The following NALF1 variants were observed in gnomAD, a reference collection of about 807,000 sequenced individuals.
NALF1 encodes family with sequence similarity 155 member A.
A neutral mutation model predicts 48.4 loss-of-function variants in NALF1; 3 were observed. The observed-to-expected ratio is 0.06, with a 90% CI of 0.03 to 0.16. The LOEUF is 0.16. NALF1 is among the 10% of genes least tolerant of loss of function. The pLI is 1.00. For missense variants in NALF1, 526 were observed against 571.5 expected (o/e 0.92, Z 0.81); for synonymous variants, 262 against 245.7 (o/e 1.07, Z -0.62).
At chr13:107,311,452 T>A (rs1357509885) in intron 1 of NALF1, among the ~76,000 whole-genome samples, 3 of 152,130 alleles carry the variant, frequency 2.0e-5, no homozygotes, top group Admixed American at 1.3e-4. Context: ...GCATTCATTT[T>A]TGTATACAGA....
intron 1 of NALF1, among the ~76,000 whole-genome samples, chr13:107,253,706 A>T (rs1235828265): frequency 5.3e-5 from 8 of 152,154 alleles, no homozygotes; most frequent in Non-Finnish European, 1.0e-4. Context: ...TTCTCCAGCC[A>T]CACGGGTCTT....
chr13:107,417,379 A>T (rs1475148407), intron 1 of NALF1, among the ~76,000 whole-genome samples: 1 of 152,086 alleles, frequency 6.6e-6, no homozygotes, highest in Non-Finnish European at 1.5e-5. Flanking sequence ...GAGGTATCTC[A>T]GGTCTTCATA....
chr13:107,518,527 T>C (rs1339759297), intron 1 of NALF1, among the ~76,000 whole-genome samples: 1 of 152,134 alleles, frequency 6.6e-6, no homozygotes. Flanking sequence ...TCGACTGCTA[T>C]TTATTGGTTG....
At position 107,645,460 on chromosome 13, in the gene NALF1, T is replaced by C. The variant is rs149696607; in HGVS notation, c.915+220222A>G. Among the ~76,000 whole-genome samples, 563 of 152,268 alleles carry C rather than the reference T, an allele frequency of 3.7e-3. 4 individuals carry two copies. The highest frequency in any genetic ancestry group is 6.4e-3 in the Admixed American group (98 of 15,292). On this transcript the variant is annotated intron_variant, in intron 1 of 2. Coordinates refer to ENST00000375915, the MANE Select transcript of NALF1 (RefSeq NM_001080396.3). ...ATGGAATGCTGTTACTATTTATATG[T>C]TTTACTGATTTTAATCAGTTTAACT... is the stretch of plus-strand genomic sequence containing the variant.
chr13:107,858,431 C>T (rs1263197845), intron 1 of NALF1, among the ~76,000 whole-genome samples: 1 of 152,192 alleles, frequency 6.6e-6, no homozygotes, highest in Admixed American at 6.5e-5. Flanking sequence ...TGGCTCAGGC[C>T]TGTAATCCCA....
chr13:107,669,556 T>C (rs1880941958), intron 1 of NALF1, among the ~76,000 whole-genome samples: 1 of 152,262 alleles, frequency 6.6e-6, no homozygotes, highest in Non-Finnish European at 1.5e-5. Flanking sequence ...GGGAGAACAA[T>C]CAAACATCTG....
chr13:107,795,537 C>T (rs1193148848), intron 1 of NALF1, among the ~76,000 whole-genome samples: 1 of 152,120 alleles, frequency 6.6e-6, no homozygotes, highest in Non-Finnish European at 1.5e-5. Context: ...AAATCCTTTA[C>T]GCTTTTCTGT....
intron 1 of NALF1, among the ~76,000 whole-genome samples, chr13:107,355,658 T>G (rs1321339415): frequency 6.6e-6 from 1 of 152,136 alleles, no homozygotes; most frequent in Non-Finnish European, 1.5e-5. Context: ...TCTCTCTTGC[T>G]GCCACATGAA....
chr13:107,286,728 T>C (rs988276447), intron 1 of NALF1, among the ~76,000 whole-genome samples: 1 of 152,072 alleles, frequency 6.6e-6, no homozygotes, highest in African/African-American at 2.4e-5. Context: ...GACATATTGA[T>C]ACATGGATGA....
chr13:107,668,536 A>G (rs995230343), intron 1 of NALF1, among the ~76,000 whole-genome samples: 6 of 152,062 alleles, frequency 3.9e-5, no homozygotes, highest in Non-Finnish European at 8.8e-5. Context: ...TCTGATACCT[A>G]GATAAGTAAA....
At chr13:107,567,941 T>G (rs894382733) in intron 1 of NALF1, among the ~76,000 whole-genome samples, 2 of 152,194 alleles carry the variant, frequency 1.3e-5, no homozygotes, top group African/African-American at 2.4e-5. Context: ...CAAGTTGTTA[T>G]TTTTGTATAC....
At chr13:107,322,843 C>T (rs921789267) in intron 1 of NALF1, among the ~76,000 whole-genome samples, 2 of 152,100 alleles carry the variant, frequency 1.3e-5, no homozygotes, top group African/African-American at 4.8e-5. Context: ...ATCCCCAATA[C>T]GATGTCATTT....
At chr13:107,405,459 C>A (rs1033217071) in intron 1 of NALF1, among the ~76,000 whole-genome samples, 1 of 151,978 alleles carries the variant, frequency 6.6e-6, no homozygotes, top group African/African-American at 2.4e-5. Context: ...GTTGATTGAT[C>A]CACATGTAGC....
intron 1 of NALF1, among the ~76,000 whole-genome samples, chr13:107,291,745 A>G (rs999996002): frequency 6.6e-6 from 1 of 152,112 alleles, no homozygotes; most frequent in Non-Finnish European, 1.5e-5. Flanking sequence ...AACATTACCT[A>G]TTTCTTGAAT....
intron 1 of NALF1, among the ~76,000 whole-genome samples, chr13:107,448,483 A>G (rs1263279650): frequency 2.0e-5 from 3 of 152,204 alleles, no homozygotes; most frequent in East Asian, 1.9e-4. Flanking sequence ...TGTCTCTGCA[A>G]GTGGAGAAGT....
At chr13:107,332,325 T>C (rs1249249224) in intron 1 of NALF1, among the ~76,000 whole-genome samples, 1 of 152,116 alleles carries the variant, frequency 6.6e-6, no homozygotes, top group Non-Finnish European at 1.5e-5. Context: ...AATTTAAGCA[T>C]GGAAGGGAAT....
At chr13:107,696,670 T>C (rs971246479) in intron 1 of NALF1, among the ~76,000 whole-genome samples, 3 of 152,048 alleles carry the variant, frequency 2.0e-5, no homozygotes, top group Non-Finnish European at 4.4e-5. Context: ...GGGACTTATA[T>C]TAGGTAGTGC....
At chr13:107,213,230 C>CA (rs386380636) in intron 1 of NALF1, among the ~76,000 whole-genome samples, 4,945 of 103,230 alleles carry the variant, frequency 0.048, 170 homozygotes, top group East Asian at 0.082. Context: ...TTTTTTAACT[C>CA]AAAAAAAAAA....
At chr13:107,783,875 A>T (rs1034976545) in intron 1 of NALF1, among the ~76,000 whole-genome samples, 3 of 79,184 alleles carry the variant, frequency 3.8e-5, no homozygotes, top group African/African-American at 9.6e-5. Context: ...ATAAAAATTA[A>T]AAAAAAAAAA....
Sources: allele counts gnomAD v4.1 joint callset (sites outside exome capture counted in the v4.1 genomes callset), GRCh38; gene constraint gnomAD v4.1.1; transcripts MANE v1.5; gene names NCBI Gene and HGNC (gene_info 2026-07-23, HGNC 2026-07-21).